ZNF234: variants seen among roughly 807,000 people sequenced by gnomAD.
The protein encoded by ZNF234 is zinc finger protein 234, also known as C2-H2 type zinc finger protein.
Under a neutral mutation model 10.3 loss-of-function variants are expected in ZNF234, and 4 were observed. That is an observed-to-expected ratio of 0.39 (90% confidence interval 0.19 to 0.89). ZNF234 has a LOEUF of 0.89. ZNF234 is among the 40% of genes least tolerant of loss of function. The pLI, the probability that ZNF234 is intolerant of heterozygous loss-of-function variation, is 0.38. For missense variants in ZNF234, 711 were observed against 836.1 expected (o/e 0.85, Z 1.85); for synonymous variants, 258 against 280.1 (o/e 0.92, Z 0.79).
chr19:44,148,617 A>T, intron 3 of ZNF234, 154 bp from the exon 4 acceptor site: 1 of 1,035,712 alleles, frequency 9.7e-7, no homozygotes, highest in South Asian at 1.3e-5. Context: ...AAAGTGTGGC[A>T]TTGGTAAGAT....
At chr19:44,144,297 A>G (rs914513454) in intron 2 of ZNF234, among the ~76,000 whole-genome samples, 7 of 152,184 alleles carry the variant, frequency 4.6e-5, no homozygotes, top group Admixed American at 3.3e-4. Context: ...TTCACTCAGC[A>G]TAGTGTTTCC....
In ZNF234 at chr19:44,157,791, G is replaced by T; in HGVS notation, c.1775G>T (p.Gly592Val). The change falls in exon 6 of 6, where the codon GGA becomes GTA. Residue 592 changes from glycine to valine, a missense_variant. Physicochemically the swap from Gly to Val is moderately radical, Grantham distance 109. Coordinates refer to ENST00000426739, the MANE Select transcript of ZNF234 (RefSeq NM_006630.3). ...GACATGCATCAGAGGGTGCACACAG[G>T]AGAAAAACCCTATACATGTGGGGAG... Reference protein sequence around the residue: ...NLDMHQRVHTGEKPYTCGECG... With the variant: ...NLDMHQRVHTVEKPYTCGECG... 1.9e-6 allele frequency: 3 copies of T among 1,613,916 alleles called. No individual in the cohort carries two copies. The highest frequency in any genetic ancestry group is 2.5e-6 in the Non-Finnish European group (3 of 1,179,874).
rs989026450 is a variant in ZNF234, at chr19:44,157,139, A to G, written c.1123A>G (p.Lys375Glu). The change falls in exon 6 of 6, where the codon AAA becomes GAA. Residue 375 changes from lysine to glutamate, a missense_variant. Lys to Glu is a moderately conservative substitution (Grantham distance 56). Coordinates refer to ENST00000426739, the MANE Select transcript of ZNF234 (RefSeq NM_006630.3). ...IHTGEKPYVCKVCGKGFIYSS... is the reference protein window; with the variant it reads ...IHTGEKPYVCEVCGKGFIYSS... Reference sequence around the variant, plus strand: ...CACTGGAGAGAAACCATACGTATGTAAAGTGTGTGGTAAGGGTTTCATTTA... The same window carrying G: ...CACTGGAGAGAAACCATACGTATGTGAAGTGTGTGGTAAGGGTTTCATTTA... 4.3e-6 allele frequency: 7 copies of G among 1,613,928 alleles called. No individual in the cohort carries two copies. The highest frequency in any genetic ancestry group is 5.9e-6 in the Non-Finnish European group (7 of 1,179,990).
intron 5 of ZNF234, among the ~76,000 whole-genome samples, chr19:44,154,643 T>C (rs1968835032): frequency 6.8e-6 from 1 of 147,772 alleles, no homozygotes; most frequent in Admixed American, 6.7e-5. Context: ...TTTTTTTTTT[T>C]TTTTTTTGAG....
At position 44,150,461 on chromosome 19, in the gene ZNF234, AG is replaced by A. The variant is rs757891466; in HGVS notation, c.192del (p.Lys64AsnfsTer4). On this transcript the variant is annotated frameshift_variant, in exon 5 of 6. Transcript: ENST00000426739. LOFTEE classifies it low-confidence loss of function (END_TRUNC). Reference sequence around the variant, plus strand: ...GTATTCCTTTTAGAAAAGGAAAAAAAGCTTGATATAATGAAGACAGCAACTC... The same window carrying A: ...GTATTCCTTTTAGAAAAGGAAAAAAACTTGATATAATGAAGACAGCAACTC... ...HDVFLLEKEKKLDIMKTATQR... is the reference protein window; with the variant it reads ...HDVFLLEKEKXLDIMKTATQR... 2.0e-5 allele frequency: 32 copies of A among 1,590,264 alleles called. No homozygotes were observed. Among genetic ancestry groups the A allele is most frequent in the African/African-American group, 2.7e-5 (2 of 74,432 alleles).
chr19:44,157,633 A>T lies in ZNF234; in HGVS notation c.1617A>T (p.Pro539=), dbSNP rs1395154556. 2 of 1,613,472 alleles carry T rather than the reference A, an allele frequency of 1.2e-6. No homozygotes were observed. The highest frequency in any genetic ancestry group is 1.7e-5 in the Admixed American group (1 of 59,964). Reference sequence around the variant, plus strand: ...AGAGAGTTCACAGTGGGGAAAAACCATTTAAATGTGAAGAGTGTGGGAAGA... The same window carrying T: ...AGAGAGTTCACAGTGGGGAAAAACCTTTTAAATGTGAAGAGTGTGGGAAGA... ...THQRVHSGEK[P]FKCEECGKSF... The change falls in exon 6 of 6, where the codon CCA becomes CCT. Residue 539 remains proline, a synonymous_variant. Transcript: ENST00000426739.
intron 3 of ZNF234, among the ~76,000 whole-genome samples, chr19:44,148,278 G>C (rs987605457): frequency 2.7e-4 from 41 of 152,222 alleles, no homozygotes; most frequent in African/African-American, 9.4e-4. Flanking sequence ...TGCTGGTGCT[G>C]TGTGCCCTGG....
intron 5 of ZNF234, among the ~76,000 whole-genome samples, chr19:44,151,503 C>T (rs576758009): frequency 6.6e-6 from 1 of 152,288 alleles, no homozygotes; most frequent in East Asian, 1.9e-4. Context: ...GACCTGGACA[C>T]TGCATTTCTT....
At position 44,156,652 on chromosome 19, in the gene ZNF234, AT is replaced by A; in HGVS notation, c.639del (p.Phe213LeufsTer16). 6.2e-7 allele frequency: 1 copy of A among 1,614,172 alleles called. No individual in the cohort carries two copies. The highest frequency in any genetic ancestry group is 8.5e-7 in the Non-Finnish European group (1 of 1,180,018). ...ATAAGTGTGACGTGTGTGGTAAGGA[AT>A]TTAGTCAGAGCTCACATCTTCAAAC... ...CYKCDVCGKE[F>X]SQSSHLQTHQ... is the part of the protein sequence containing the mutation. On this transcript the variant is annotated frameshift_variant, in exon 6 of 6. Transcript: ENST00000426739. LOFTEE classifies it low-confidence loss of function (END_TRUNC).
In ZNF234 at chr19:44,158,414, T is replaced by C. The variant is rs1968965085; in HGVS notation, c.*295T>C. The C allele has an allele frequency of 5.3e-6, 2 of 376,838 alleles. No homozygotes were observed. The highest frequency in any genetic ancestry group is 4.2e-5 in the African/African-American group (2 of 47,342). 23.3% of individuals were successfully genotyped at this position (376,838 alleles called of 1,614,324 possible). ...GCACACCACCACGCCTGGCTAATTT[T>C]TGTATTTTTAGTAGAGATGGAGTTT... On this transcript the variant is annotated 3_prime_UTR_variant, in exon 6 of 6. Coordinates refer to ENST00000426739, the MANE Select transcript of ZNF234 (RefSeq NM_006630.3).
chr19:44,147,386 G>A (rs528198517), intron 3 of ZNF234, among the ~76,000 whole-genome samples: 1 of 151,756 alleles, frequency 6.6e-6, no homozygotes, highest in South Asian at 2.1e-4. Flanking sequence ...ACAGGCACAC[G>A]CCACCACATG....
At position 44,141,588 on chromosome 19, in the gene ZNF234, G is replaced by A. The variant is rs988572675; in HGVS notation, c.-276G>A. On this transcript the variant is annotated 5_prime_UTR_variant, in exon 1 of 6. Transcript: ENST00000426739. The surrounding 1 kb of genome is among the most constrained non-coding windows in gnomAD (Gnocchi z 4.6). ...GCGGGCACTTCCGCTCCAGGGAAGA[G>A]GGGGCGATTGTCACGGCACATTCCA... 1 of 152,328 alleles carries A rather than the reference G, an allele frequency of 6.6e-6. No individual in the cohort carries two copies. Among genetic ancestry groups the A allele is most frequent in the Non-Finnish European group, 1.5e-5 (1 of 68,102 alleles). The allele number at this position is 152,328 out of a possible 1,614,324, so 9.4% of individuals were successfully genotyped here. A position where few individuals can be genotyped will look rare whatever the true frequency, so the allele number is the denominator to read the frequency against.
chr19:44,143,098 T>TA (rs1053258970), intron 2 of ZNF234, among the ~76,000 whole-genome samples: 12 of 152,310 alleles, frequency 7.9e-5, no homozygotes, highest in African/African-American at 2.9e-4. Context: ...CCTGATTTTT[T>TA]AAAAAAACTT....
chr19:44,152,641 G>T (rs926005693), intron 5 of ZNF234, among the ~76,000 whole-genome samples: 2 of 152,128 alleles, frequency 1.3e-5, no homozygotes, highest in Non-Finnish European at 2.9e-5. Flanking sequence ...TTCATTTCTG[G>T]GAAGGAATAA....
chr19:44,150,424 T>A lies in ZNF234; in HGVS notation c.154T>A (p.Phe52Ile), dbSNP rs999801403. 1 of 1,584,680 alleles carries A rather than the reference T, an allele frequency of 6.3e-7. No individual in the cohort carries two copies. The highest frequency in any genetic ancestry group is 1.8e-5 in the Admixed American group (1 of 55,098). ...TTTGCGTGTTCTAGGGCATCACCCC[T>A]TCAAACATGATGTATTCCTTTTAGA... ...RNLLSVGHHP[F>I]KHDVFLLEKE... Residue 52 changes from phenylalanine (F) to isoleucine (I), a missense_variant, in exon 5 of 6, where the codon TTC becomes ATC. Coordinates refer to ENST00000426739, the MANE Select transcript of ZNF234 (RefSeq NM_006630.3).
In ZNF234 at chr19:44,157,791, G is replaced by A. The variant is rs1232475396; in HGVS notation, c.1775G>A (p.Gly592Glu). ...NLDMHQRVHT[G>E]EKPYTCGECG... ...GACATGCATCAGAGGGTGCACACAGGAGAAAAACCCTATACATGTGGGGAG... is the reference window on the plus strand; with the variant it reads ...GACATGCATCAGAGGGTGCACACAGAAGAAAAACCCTATACATGTGGGGAG... Residue 592 changes from glycine to glutamate, a missense_variant, in exon 6 of 6, where the codon GGA becomes GAA. Gly to Glu is a moderately conservative substitution (Grantham distance 98). Coordinates refer to ENST00000426739, the MANE Select transcript of ZNF234 (RefSeq NM_006630.3). 1.9e-6 allele frequency: 3 copies of A among 1,613,916 alleles called. No homozygotes were observed. The highest frequency in any genetic ancestry group is 2.2e-5 in the East Asian group (1 of 44,870).
chr19:44,145,584 A>G (rs62115559), intron 3 of ZNF234, among the ~76,000 whole-genome samples: 1,717 of 151,684 alleles, frequency 0.011, 24 homozygotes, highest in Non-Finnish European at 0.018. Context: ...TAGAGATGGG[A>G]CTCCTCCATG....
Position 44,144,665 on chromosome 19 carries a change from C to G in ZNF234, c.15+18C>G, listed in dbSNP as rs778437204. 3.3e-6 allele frequency: 5 copies of G among 1,535,776 alleles called. No homozygotes were observed. The Admixed American group carries it at 9.3e-5, about 29-fold the overall frequency. On this transcript the variant is annotated intron_variant, in intron 3 of 5. Transcript: ENST00000426739. ...CATTCAAGGTGAATAAGGCTTGCCACTCTTGCTGTTAAAATTCCATCTCAC... is the reference window on the plus strand; with the variant it reads ...CATTCAAGGTGAATAAGGCTTGCCAGTCTTGCTGTTAAAATTCCATCTCAC...
rs192743689 is a variant in ZNF234 at position 44,158,319 on chromosome 19, G to A, written c.*200G>A. On this transcript the variant is annotated 3_prime_UTR_variant, in exon 6 of 6. Transcript: ENST00000426739. ...TGTTGCCCATGCTGGATGCAGTGGT[G>A]CTATCTCAGCTCACTGTAACCTCCA... 93 of 593,398 alleles carry A rather than the reference G, an allele frequency of 1.6e-4. No homozygotes were observed. The African/African-American group carries it at 1.6e-3, about 10-fold the overall frequency. The allele number at this position is 593,398 out of a possible 1,614,324, so 36.8% of individuals were successfully genotyped here. A position where few individuals can be genotyped will look rare whatever the true frequency, so the allele number is the denominator to read the frequency against.
Sources: gnomAD v4.1 joint callset for allele counts (sites outside exome capture counted in the v4.1 genomes callset) on GRCh38, gnomAD v4.1.1 for gene constraint, Gnocchi (gnomAD v3.1) non-coding constraint, MANE v1.5 for transcripts, NCBI Gene and HGNC (gene_info 2026-07-23, HGNC 2026-07-21) for gene names.